MAGT1: variants seen among roughly 807,000 people sequenced by gnomAD.
MAGT1 encodes the protein magnesium transporter 1.
A neutral mutation model predicts 28.4 loss-of-function variants in MAGT1; 4 were observed. The ratio of observed to expected loss-of-function variants is 0.14; its 90% CI spans 0.07 to 0.32. The LOEUF is 0.32. MAGT1 is among the 10% of genes least tolerant of loss of function. MAGT1 has a pLI of 1.00. For synonymous variants in MAGT1, 89 were observed against 89.7 expected (o/e 0.99, Z 0.04); for missense variants, 193 against 264.5 (o/e 0.73, Z 1.88).
At chrX:77,875,397 T>C (rs1557217699) in intron 2 of MAGT1, 31 bp downstream of exon 2, 1 of 1,194,545 alleles carries the variant, frequency 8.4e-7, no homozygotes, top group South Asian at 1.8e-5. Flanking sequence ...ATATGAGTTA[T>C]TTAATTTTAA....
chrX:77,843,568 G>A (rs2076941621), intron 7 of MAGT1, among the ~76,000 whole-genome samples: 1 of 111,673 alleles, frequency 9.0e-6, no homozygotes, highest in Non-Finnish European at 1.9e-5. Flanking sequence ...ATAGCCTCTT[G>A]TTAGGGATGA....
chrX:77,863,164 A>G (rs1213206265), intron 3 of MAGT1, among the ~76,000 whole-genome samples: 1 of 109,713 alleles, frequency 9.1e-6, no homozygotes, highest in African/African-American at 3.3e-5. Context: ...CATCTCAAAA[A>G]AAAAGGGAAC....
rs782617141 is a variant in MAGT1, at chrX:77,870,952, A to G, written c.273-27T>C. ...TGGATGCAATGAGATTCGTAAAGATAACATATAAAACAATTTTTGAAAGCA... is the reference window on the plus strand; with the variant it reads ...TGGATGCAATGAGATTCGTAAAGATGACATATAAAACAATTTTTGAAAGCA... On this transcript the variant is annotated intron_variant, in intron 2 of 9. Transcript: ENST00000618282. The G allele has an allele frequency of 1.2e-5, 13 of 1,041,866 alleles. No homozygotes were observed. In the South Asian group the frequency reaches 2.2e-4, roughly 18 times the overall value. 85.9% of individuals were successfully genotyped at this position (1,041,866 alleles called of 1,213,427 possible).
intron 1 of MAGT1, among the ~76,000 whole-genome samples, chrX:77,887,748 C>T (rs2077071356): frequency 8.9e-6 from 1 of 112,232 alleles, no homozygotes; most frequent in Non-Finnish European, 1.9e-5. Context: ...ATCAAGTGAA[C>T]TGCTCAGCAA....
At position 77,878,270 on chromosome X, in the gene MAGT1, C is replaced by A. The variant is rs374023453; in HGVS notation, c.103-2673G>T. On this transcript the variant is annotated intron_variant, in intron 1 of 9. Coordinates refer to ENST00000618282, the MANE Select transcript of MAGT1 (RefSeq NM_001367916.1). ...CATCATTGCACTCCAGTCTGGGCGA[C>A]AAGAGCAAAACTCTGATGCAAAAAA... is the stretch of plus-strand genomic sequence containing the variant. Among the ~76,000 whole-genome samples, 3 of 51,743 alleles carry A rather than the reference C, an allele frequency of 5.8e-5. No homozygotes were observed. In the South Asian group the frequency reaches 4.7e-3, roughly 80 times the overall value. 44.9% of individuals were successfully genotyped at this position (51,743 alleles called of 115,157 possible).
At chrX:77,872,723 T>C (rs1184658312) in intron 2 of MAGT1, among the ~76,000 whole-genome samples, 1 of 111,968 alleles carries the variant, frequency 8.9e-6, no homozygotes, top group East Asian at 2.8e-4. Flanking sequence ...CCTTCTTTCC[T>C]GAAATTTTAC....
chrX:77,832,042 C>A (rs2076900081), intron 8 of MAGT1, among the ~76,000 whole-genome samples: 1 of 111,730 alleles, frequency 9.0e-6, no homozygotes, highest in Non-Finnish European at 1.9e-5. Flanking sequence ...ATATGTAACT[C>A]AATAAACATG....
Position 77,829,216 on chromosome X carries a change from CT to C in MAGT1, c.*3del. The C allele has an allele frequency of 1.7e-6, 2 of 1,196,939 alleles. No homozygotes were observed. The highest frequency in any genetic ancestry group is 2.3e-6 in the Non-Finnish European group (2 of 882,850). ...TCCAGTGTCTATATATCTCTGGGAC[CT>C]TTTTAACTCATCAGAAAGCTGAAAC... On this transcript the variant is annotated 3_prime_UTR_variant, in exon 10 of 10. Coordinates refer to ENST00000618282, the MANE Select transcript of MAGT1 (RefSeq NM_001367916.1).
At chrX:77,856,034 A>G (rs2076980756) in intron 5 of MAGT1, among the ~76,000 whole-genome samples, 2 of 111,126 alleles carry the variant, frequency 1.8e-5, no homozygotes, top group Non-Finnish European at 3.8e-5. Flanking sequence ...TCCCAAAGAT[A>G]TGGGATTATA....
At chrX:77,851,961 C>A (rs1232936701) in intron 7 of MAGT1, among the ~76,000 whole-genome samples, 1 of 109,830 alleles carries the variant, frequency 9.1e-6, no homozygotes. Flanking sequence ...AGTAATCACA[C>A]GATCTCTGCT....
At chrX:77,835,481 T>C (rs2076914264) in intron 8 of MAGT1, among the ~76,000 whole-genome samples, 1 of 111,567 alleles carries the variant, frequency 9.0e-6, no homozygotes, top group Non-Finnish European at 1.9e-5. Context: ...TGTTGTACAC[T>C]GTTGGGGGGA....
rs1476210702 is a variant in MAGT1 at position 77,826,068 on chromosome X, T to A, written c.*3152A>T. Among the ~76,000 whole-genome samples the A allele has an allele frequency of 1.8e-5, 2 of 112,527 alleles. No homozygotes were observed. Among genetic ancestry groups the A allele is most frequent in the African/African-American group, 6.4e-5 (2 of 31,021 alleles). ...AATTACCTAGTCAAGGAATGTTCAC[T>A]GTCTGGGACGAAAGGTAGATCAATT... On this transcript the variant is annotated 3_prime_UTR_variant, in exon 10 of 10. Coordinates refer to ENST00000618282, the MANE Select transcript of MAGT1 (RefSeq NM_001367916.1).
intron 2 of MAGT1, among the ~76,000 whole-genome samples, chrX:77,873,688 C>T (rs1359862823): frequency 5.4e-5 from 6 of 111,398 alleles, no homozygotes; most frequent in South Asian, 3.7e-4. Context: ...TTAGAAACAT[C>T]GCTAAATCAT....
intron 2 of MAGT1, 123 bp downstream of exon 2, chrX:77,875,305 A>C (rs782586532): frequency 1.6e-6 from 1 of 618,014 alleles, no homozygotes; most frequent in Admixed American, 2.4e-5. Flanking sequence ...GCTACCATAG[A>C]CATCCTGAGT....
chrX:77,831,072 C>T (rs1205835860), intron 8 of MAGT1, among the ~76,000 whole-genome samples, 177 bp from the exon 9 acceptor site: 1 of 110,010 alleles, frequency 9.1e-6, no homozygotes, highest in East Asian at 2.8e-4. Flanking sequence ...GGCCGGAGTG[C>T]AGCGGCGCGA....
At chrX:77,857,285 T>G in intron 4 of MAGT1, 72 bp downstream of exon 4, 2 of 1,170,352 alleles carry the variant, frequency 1.7e-6, no homozygotes. Context: ...GGGACAAGAC[T>G]AATTAGGGCC....
At chrX:77,891,360 G>A (rs782515464) in intron 1 of MAGT1, among the ~76,000 whole-genome samples, 6 of 27,783 alleles carry the variant, frequency 2.2e-4, no homozygotes, top group South Asian at 3.2e-3. Flanking sequence ...CTATCTATCT[G>A]GGGTGGGTAG....
At chrX:77,849,858 G>A (rs981380269) in intron 7 of MAGT1, among the ~76,000 whole-genome samples, 2 of 90,404 alleles carry the variant, frequency 2.2e-5, no homozygotes, top group East Asian at 3.5e-4. Flanking sequence ...CTGGGCAACA[G>A]AGCAAGACTC....
chrX:77,893,236 G>A (rs781923725), intron 1 of MAGT1, among the ~76,000 whole-genome samples: 13 of 112,225 alleles, frequency 1.2e-4, no homozygotes. Context: ...AACTTTAGCC[G>A]AGGAAGAAAG....
Sources: gnomAD v4.1 joint callset for allele counts (sites outside exome capture counted in the v4.1 genomes callset) on GRCh38, gnomAD v4.1.1 for gene constraint, MANE v1.5 for transcripts, NCBI Gene and HGNC (gene_info 2026-07-23, HGNC 2026-07-21) for gene names.